ESRP1: variants seen among roughly 807,000 people sequenced by gnomAD.
ESRP1 encodes the protein epithelial splicing regulatory protein 1.
In ESRP1, 33 loss-of-function variants were observed where a neutral mutation model predicts 81.7. The observed-to-expected ratio is 0.40, with a 90% CI of 0.31 to 0.54. The LOEUF (loss-of-function observed/expected upper bound fraction) is 0.54. Among genes scored for constraint, ESRP1 ranks in the 20% least tolerant of loss-of-function variants. ESRP1 has a pLI of 0.41. For synonymous variants in ESRP1, 320 were observed against 303.3 expected, an observed-to-expected ratio of 1.06 and a Z score of -0.57; for missense variants, 672 against 833.1, an observed-to-expected ratio of 0.81 and a Z score of 2.38.
intron 4 of ESRP1, among the ~76,000 whole-genome samples, chr8:94,657,152 G>C (rs887305742): frequency 2.6e-5 from 4 of 152,142 alleles, no homozygotes; most frequent in African/African-American, 9.7e-5. Context: ...GATGAGTTTT[G>C]TTCCCACTGC....
intron 10 of ESRP1, among the ~76,000 whole-genome samples, chr8:94,669,105 A>G (rs1819175299): frequency 6.6e-6 from 1 of 152,202 alleles, no homozygotes; most frequent in African/African-American, 2.4e-5. Flanking sequence ...TTTTTGAGGC[A>G]CAAAATGAGG....
At chr8:94,646,132 C>A in intron 3 of ESRP1, 36 bp from the exon 4 acceptor site, 1 of 1,220,974 alleles carries the variant, frequency 8.2e-7, no homozygotes, top group South Asian at 1.4e-5. Context: ...GAACCAAATT[C>A]ACCTAGTTAA....
chr8:94,662,424 T>C (rs1311354059), intron 5 of ESRP1, 54 bp downstream of exon 5: 6 of 1,536,578 alleles, frequency 3.9e-6, no homozygotes, highest in Non-Finnish European at 5.3e-6. Flanking sequence ...ATTTTTCTCT[T>C]ACCTATACTC....
intron 9 of ESRP1, among the ~76,000 whole-genome samples, chr8:94,667,068 G>GGGGGGTGTGTGTGTGTGTGTGTGTGT (rs1554577644): frequency 2.1e-5 from 3 of 144,244 alleles, no homozygotes; most frequent in African/African-American, 7.9e-5. Flanking sequence ...CCAGGAGAGG[G>GGGGGGTGTGTGTGTGTGTGTGTGTGT]GTGTGTGTGT....
intron 9 of ESRP1, among the ~76,000 whole-genome samples, chr8:94,667,068 G>GGGGGGGGTGTGTGTGTGTGTGT (rs1554577644): frequency 6.9e-6 from 1 of 144,244 alleles, no homozygotes; most frequent in African/African-American, 2.6e-5. Context: ...CCAGGAGAGG[G>GGGGGGGGTGTGTGTGTGTGTGT]GTGTGTGTGT....
intron 4 of ESRP1, among the ~76,000 whole-genome samples, chr8:94,651,698 C>A (rs527309033): frequency 2.9e-4 from 44 of 152,164 alleles, no homozygotes; most frequent in Non-Finnish European, 6.2e-4. Flanking sequence ...CTCACTGCAA[C>A]TTCCACCTCC....
At chr8:94,697,126 G>T (rs1318156795) in intron 15 of ESRP1, among the ~76,000 whole-genome samples, 165 bp downstream of exon 15, 1 of 152,122 alleles carries the variant, frequency 6.6e-6, no homozygotes, top group East Asian at 1.9e-4. Context: ...TGTCATCTAG[G>T]TACATAGAAT....
At chr8:94,684,089 T>C (rs746484263) in intron 13 of ESRP1, among the ~76,000 whole-genome samples, 1 of 152,092 alleles carries the variant, frequency 6.6e-6, no homozygotes, top group South Asian at 2.1e-4. Context: ...TCAGGTGCTG[T>C]ACTAGCCTCG....
chr8:94,663,586 G>A (rs1818867220), intron 6 of ESRP1, among the ~76,000 whole-genome samples: 1 of 152,164 alleles, frequency 6.6e-6, no homozygotes, highest in Admixed American at 6.6e-5. Context: ...TAGCTGGGGA[G>A]AAGTATGAAG....
At chr8:94,705,845 A>T in intron 15 of ESRP1, 80 bp from the exon 16 acceptor site, 4 of 1,274,234 alleles carry the variant, frequency 3.1e-6, no homozygotes, top group Non-Finnish European at 4.3e-6. Context: ...GGAATTTGAA[A>T]TCATTTTTGT....
intron 13 of ESRP1, among the ~76,000 whole-genome samples, chr8:94,686,192 G>A (rs1809132906): frequency 6.6e-6 from 1 of 152,182 alleles, no homozygotes; most frequent in Non-Finnish European, 1.5e-5. Flanking sequence ...GCCTCCCAAA[G>A]TGCTGGGATT....
intron 15 of ESRP1, among the ~76,000 whole-genome samples, chr8:94,702,898 T>C (rs1452217126): frequency 2.6e-5 from 4 of 152,212 alleles, no homozygotes; most frequent in African/African-American, 9.7e-5. Flanking sequence ...TTCTGTAGCA[T>C]ATAGCACCAG....
At chr8:94,705,115 A>T (rs1238751651) in intron 15 of ESRP1, among the ~76,000 whole-genome samples, 3 of 148,770 alleles carry the variant, frequency 2.0e-5, no homozygotes, top group Non-Finnish European at 4.4e-5. Flanking sequence ...AGTCACAGGC[A>T]TATAGAGCCC....
intron 4 of ESRP1, among the ~76,000 whole-genome samples, chr8:94,657,075 G>A (rs1234185571): frequency 6.6e-6 from 1 of 152,152 alleles, no homozygotes; most frequent in Admixed American, 6.6e-5. Flanking sequence ...TTAATATATA[G>A]ACCAAGTCTC....
Position 94,646,222 on chromosome 8 carries a change from A to G in ESRP1, c.430A>G (p.Lys144Glu), listed in dbSNP as rs1163419398. The part of the protein sequence containing the change: ...YSFFDLRKEF[K>E]KCCPGSPDID... ...CTTTTTTGATCTTCGAAAAGAATTC[A>G]AGAAATGTTGCCCTGGTTCACCTGA... Residue 144 changes from lysine (K) to glutamate (E), a missense_variant, in exon 4 of 16, where the codon AAG (lysine) becomes GAG (glutamate). Transcript: ENST00000433389. The G allele has an allele frequency of 6.2e-7, 1 of 1,612,944 alleles. No homozygotes were observed. The highest frequency in any genetic ancestry group is 1.7e-5 in the Admixed American group (1 of 59,898).
intron 12 of ESRP1, among the ~76,000 whole-genome samples, chr8:94,674,862 CTT>C: frequency 6.6e-6 from 1 of 152,236 alleles, no homozygotes; most frequent in Middle Eastern, 3.4e-3. Flanking sequence ...TGGCTGGATT[CTT>C]TTTATTTTAT....
In ESRP1 at chr8:94,677,323, C is replaced by T. The variant is rs144110612; in HGVS notation, c.1652-880C>T. 2.5e-3 allele frequency among the ~76,000 whole-genome samples: 386 copies of T among 152,232 alleles called. 1 individual carries two copies. Among genetic ancestry groups the T allele is most frequent in the African/African-American group, 8.5e-3 (354 of 41,546 alleles). ...TAGGTATGAAGCTTAAAGTCAGGGA[C>T]CCCATATTCATTCAGCATCTCAACT... On this transcript the variant is annotated intron_variant, in intron 12 of 15. Coordinates refer to ENST00000433389, the MANE Select transcript of ESRP1 (RefSeq NM_017697.4).
At chr8:94,664,438 T>C (rs1056847472) in intron 6 of ESRP1, among the ~76,000 whole-genome samples, 3 of 152,140 alleles carry the variant, frequency 2.0e-5, no homozygotes, top group African/African-American at 4.8e-5. Context: ...TCAGCTTTGA[T>C]AGATAGATGG....
At chr8:94,693,545 A>G (rs73695515) in intron 14 of ESRP1, among the ~76,000 whole-genome samples, 3,096 of 152,348 alleles carry the variant, frequency 0.02, 94 homozygotes, top group African/African-American at 0.069. Context: ...CCTAAGTCTT[A>G]AATTCCTTCT....
Sources: gnomAD v4.1 joint callset for allele counts (sites outside exome capture counted in the v4.1 genomes callset) on GRCh38, gnomAD v4.1.1 for gene constraint, MANE v1.5 for transcripts, NCBI Gene and HGNC (gene_info 2026-07-23, HGNC 2026-07-21) for gene names.